FSTL5: variants seen among roughly 807,000 people sequenced by gnomAD.
FSTL5 encodes the protein follistatin-related protein 5.
A neutral mutation model predicts 89.1 loss-of-function variants in FSTL5; 62 were observed. The observed-to-expected ratio is 0.70, with a 90% CI of 0.57 to 0.86. FSTL5 has a LOEUF of 0.86. Among genes scored for constraint, FSTL5 ranks in the 40% least tolerant of loss-of-function variants. The pLI, the probability that FSTL5 is intolerant of heterozygous loss-of-function variation, is 0.00. For synonymous variants in FSTL5, 383 were observed against 346.2 expected, an observed-to-expected ratio of 1.11 and a Z score of -1.18; for missense variants, 1,057 against 1,001.6, an observed-to-expected ratio of 1.06 and a Z score of -0.75.
chr4:161,916,739 G>A (rs548929309), intron 4 of FSTL5, among the ~76,000 whole-genome samples: 13 of 152,028 alleles, frequency 8.6e-5, no homozygotes, highest in African/African-American at 3.1e-4. Context: ...GTAAATTTAC[G>A]TGTATATTTA....
intron 4 of FSTL5, among the ~76,000 whole-genome samples, chr4:161,903,509 A>G (rs1279053773): frequency 6.6e-6 from 1 of 151,984 alleles, no homozygotes; most frequent in East Asian, 1.9e-4. Context: ...CATTATTATA[A>G]TTATATTGGA....
chr4:162,142,784 AATTTT>A (rs1470036289), intron 1 of FSTL5, among the ~76,000 whole-genome samples: 1 of 152,194 alleles, frequency 6.6e-6, no homozygotes, highest in South Asian at 2.1e-4. Context: ...TACCTGCATG[AATTTT>A]ATTTTGACTG....
intron 4 of FSTL5, among the ~76,000 whole-genome samples, chr4:161,900,962 T>C (rs917774874): frequency 6.6e-6 from 1 of 152,184 alleles, no homozygotes; most frequent in Non-Finnish European, 1.5e-5. Flanking sequence ...CACCTGGAGA[T>C]GCTATTTAAC....
At position 161,974,443 on chromosome 4, in the gene FSTL5, C is replaced by T. The variant is rs1478877854; in HGVS notation, c.161-53791G>A. ...AACAGAACAGAGCCCTCAGAAATAA[C>T]GCCGCATATCTACAACTATCTGATC... On this transcript the variant is annotated intron_variant, in intron 3 of 15. Transcript: ENST00000306100. 1.6e-3 allele frequency among the ~76,000 whole-genome samples: 223 copies of T among 137,580 alleles called. 3 individuals carry two copies. The highest frequency in any genetic ancestry group is 5.9e-3 in the African/African-American group (215 of 36,480). 90.3% of individuals were successfully genotyped at this position (137,580 alleles called of 152,430 possible).
At chr4:161,950,158 G>A (rs1734851167) in intron 3 of FSTL5, among the ~76,000 whole-genome samples, 1 of 152,140 alleles carries the variant, frequency 6.6e-6, no homozygotes, top group Non-Finnish European at 1.5e-5. Context: ...ATTCAGTGCT[G>A]ATGAGGCACA....
chr4:161,835,644 G>A (rs1434392325), intron 4 of FSTL5, among the ~76,000 whole-genome samples: 1 of 151,828 alleles, frequency 6.6e-6, no homozygotes, highest in Non-Finnish European at 1.5e-5. Flanking sequence ...GTGGGTGAAG[G>A]ACATGAACAG....
At chr4:161,428,995 C>A (rs1732261274) in intron 15 of FSTL5, among the ~76,000 whole-genome samples, 1 of 152,092 alleles carries the variant, frequency 6.6e-6, no homozygotes, top group African/African-American at 2.4e-5. Flanking sequence ...GAGGAGCCCA[C>A]TGCTGTGAAG....
chr4:161,705,586 G>A (rs2126733760), intron 6 of FSTL5, among the ~76,000 whole-genome samples: 1 of 151,856 alleles, frequency 6.6e-6, no homozygotes, highest in Non-Finnish European at 1.5e-5. Flanking sequence ...AAAGATCTTG[G>A]TCTGAATTCC....
At chr4:161,488,704 T>C (rs1274782465) in intron 12 of FSTL5, among the ~76,000 whole-genome samples, 3 of 152,164 alleles carry the variant, frequency 2.0e-5, no homozygotes, top group East Asian at 3.8e-4. Context: ...AAGTGATCAA[T>C]AAAAGTTACC....
At chr4:161,626,618 T>C (rs779032263) in intron 7 of FSTL5, among the ~76,000 whole-genome samples, 7 of 152,206 alleles carry the variant, frequency 4.6e-5, no homozygotes, top group South Asian at 2.1e-4. Flanking sequence ...CTGCAACACA[T>C]GGATCAAGAA....
At chr4:162,039,700 T>C (rs1737875091) in intron 2 of FSTL5, among the ~76,000 whole-genome samples, 2 of 152,096 alleles carry the variant, frequency 1.3e-5, no homozygotes, top group Non-Finnish European at 2.9e-5. Flanking sequence ...TCATGGGATT[T>C]GAGAAAACTC....
intron 8 of FSTL5, among the ~76,000 whole-genome samples, chr4:161,585,218 T>C (rs1733565955): frequency 6.6e-6 from 1 of 152,156 alleles, no homozygotes; most frequent in Non-Finnish European, 1.5e-5. Context: ...GTTTCCCAGC[T>C]GGAGCATGGC....
intron 15 of FSTL5, among the ~76,000 whole-genome samples, chr4:161,389,219 G>T (rs1462072622): frequency 6.6e-6 from 1 of 152,066 alleles, no homozygotes; most frequent in Non-Finnish European, 1.5e-5. Context: ...ATAAAATCCT[G>T]CACAGTATTA....
intron 3 of FSTL5, among the ~76,000 whole-genome samples, chr4:161,955,359 A>C (rs529228481): frequency 1.3e-5 from 2 of 151,732 alleles, no homozygotes; most frequent in Non-Finnish European, 3.0e-5. Flanking sequence ...ACAAAAAAGC[A>C]AATAAATAAC....
intron 3 of FSTL5, among the ~76,000 whole-genome samples, chr4:161,928,019 T>G (rs1367377691): frequency 6.6e-6 from 1 of 151,678 alleles, no homozygotes; most frequent in African/African-American, 2.4e-5. Context: ...TAATATCCAC[T>G]AATCAATTTT....
intron 12 of FSTL5, among the ~76,000 whole-genome samples, chr4:161,499,585 T>C (rs969204808): frequency 1.3e-5 from 2 of 152,194 alleles, no homozygotes; most frequent in African/African-American, 2.4e-5. Flanking sequence ...TCATGAAGAA[T>C]GAGATGAAGA....
intron 15 of FSTL5, among the ~76,000 whole-genome samples, chr4:161,429,274 G>A (rs1732272045): frequency 6.6e-6 from 1 of 152,190 alleles, no homozygotes; most frequent in South Asian, 2.1e-4. Context: ...GACCTGCCCA[G>A]GGCTGGGGGA....
At chr4:161,967,778 A>G (rs1003419029) in intron 3 of FSTL5, among the ~76,000 whole-genome samples, 18 of 151,984 alleles carry the variant, frequency 1.2e-4, no homozygotes, top group Non-Finnish European at 2.9e-5. Flanking sequence ...TTATTTATTT[A>G]AAATAAAAGT....
chr4:161,967,728 A>T (rs573743359), intron 3 of FSTL5, among the ~76,000 whole-genome samples: 1 of 152,078 alleles, frequency 6.6e-6, no homozygotes, highest in Non-Finnish European at 1.5e-5. Context: ...TTCTAAAGTC[A>T]TTTATCATTG....
Sources: gnomAD v4.1 joint callset for allele counts (sites outside exome capture counted in the v4.1 genomes callset) on GRCh38, gnomAD v4.1.1 for gene constraint, MANE v1.5 for transcripts, NCBI Gene and HGNC (gene_info 2026-07-23, HGNC 2026-07-21) for gene names.